The following TRAPPC12 variants were observed in gnomAD, a reference collection of about 807,000 sequenced individuals.
The protein encoded by TRAPPC12 is trafficking protein particle complex subunit 12.
A neutral mutation model predicts 69.2 loss-of-function variants in TRAPPC12; 61 were observed. That is an observed-to-expected ratio of 0.88 (90% CI 0.72 to 1.09). TRAPPC12 has a LOEUF of 1.09. Ranked by LOEUF, TRAPPC12 falls within the 50% of genes least tolerant of loss-of-function variation. The pLI, the probability that TRAPPC12 is intolerant of heterozygous loss-of-function variation, is 0.00. For missense variants in TRAPPC12, 1,101 were observed against 1,016.4 expected (o/e 1.08, Z -1.13); for synonymous variants, 469 against 438.9 (o/e 1.07, Z -0.86).
At chr2:3,427,148 C>T (rs1663150181) in intron 5 of TRAPPC12, among the ~76,000 whole-genome samples, 1 of 152,180 alleles carries the variant, frequency 6.6e-6, no homozygotes, top group Non-Finnish European at 1.5e-5. Flanking sequence ...CAGCTGTTTT[C>T]CTATTTCTTA....
intron 9 of TRAPPC12, among the ~76,000 whole-genome samples, chr2:3,471,175 G>A (rs573561045): frequency 4.3e-4 from 66 of 152,148 alleles, no homozygotes; most frequent in African/African-American, 1.5e-3. Flanking sequence ...ATTTCAAAAC[G>A]TATTCTACTT....
At chr2:3,388,722 G>A in intron 2 of TRAPPC12, 52 bp downstream of exon 2, 1 of 1,463,112 alleles carries the variant, frequency 6.8e-7, no homozygotes, top group Non-Finnish European at 9.1e-7. Flanking sequence ...CTGCGTCTGT[G>A]AGATACGCAC....
intron 3 of TRAPPC12, among the ~76,000 whole-genome samples, chr2:3,407,585 G>A (rs1347483509): frequency 1.3e-5 from 2 of 152,066 alleles, no homozygotes; most frequent in Non-Finnish European, 2.9e-5. Flanking sequence ...GGCAGATCAC[G>A]AGGTCAGGAG....
At chr2:3,423,733 T>G (rs1662949246) in intron 4 of TRAPPC12, among the ~76,000 whole-genome samples, 1 of 152,218 alleles carries the variant, frequency 6.6e-6, no homozygotes, top group Non-Finnish European at 1.5e-5. Flanking sequence ...TATCCGTTCA[T>G]CCTTCAGCGG....
intron 3 of TRAPPC12, among the ~76,000 whole-genome samples, chr2:3,415,713 T>A (rs1203832979): frequency 8.5e-6 from 1 of 117,030 alleles, no homozygotes; most frequent in African/African-American, 3.5e-5. Context: ...CTGCATTCAC[T>A]TCTTTTCTTT....
chr2:3,478,985 A>G, intron 11 of TRAPPC12, 52 bp downstream of exon 11: 2 of 1,569,200 alleles, frequency 1.3e-6, no homozygotes, highest in Non-Finnish European at 1.8e-6. Context: ...CACAGACGCT[A>G]GAAACATACA....
Sources: gnomAD v4.1 joint callset for allele counts (sites outside exome capture counted in the v4.1 genomes callset) on GRCh38, gnomAD v4.1.1 for gene constraint, MANE v1.5 for transcripts, NCBI Gene and HGNC (gene_info 2026-07-23, HGNC 2026-07-21) for gene names.